Variants in KCNH7 observed in about 807,000 individuals in gnomAD.
KCNH7 encodes potassium voltage-gated channel subfamily H member 7.
Under a neutral mutation model 120.8 loss-of-function variants are expected in KCNH7, and 49 were observed. The ratio of observed to expected loss-of-function variants is 0.41; its 90% CI spans 0.32 to 0.51. KCNH7 has a LOEUF of 0.51. KCNH7 is among the 20% of genes least tolerant of loss of function. KCNH7 has a pLI of 0.38. For synonymous variants in KCNH7, 547 were observed against 516.1 expected (o/e 1.06, Z -0.81); for missense variants, 1,097 against 1,446.6 (o/e 0.76, Z 3.92).
intron 2 of KCNH7, among the ~76,000 whole-genome samples, chr2:162,568,477 C>T (rs1002085925): frequency 2.0e-5 from 3 of 151,948 alleles, no homozygotes; most frequent in Admixed American, 6.6e-5. Flanking sequence ...CAGAAAATAT[C>T]CTCATAATTA....
intron 6 of KCNH7, among the ~76,000 whole-genome samples, chr2:162,493,527 C>A (rs1204615687): frequency 6.6e-6 from 1 of 152,138 alleles, no homozygotes; most frequent in Non-Finnish European, 1.5e-5. Context: ...AGGTTATAAG[C>A]TGCTTCTTTA....
chr2:162,691,409 C>A (rs1484463907), intron 2 of KCNH7, among the ~76,000 whole-genome samples: 3 of 152,046 alleles, frequency 2.0e-5, no homozygotes, highest in South Asian at 2.1e-4. Context: ...CCTATAAACT[C>A]AATTTGAGAA....
At chr2:162,685,155 A>G (rs971177554) in intron 2 of KCNH7, among the ~76,000 whole-genome samples, 1 of 151,912 alleles carries the variant, frequency 6.6e-6, no homozygotes, top group African/African-American at 2.4e-5. Context: ...ATGAGAACAC[A>G]TGGACACAGG....
chr2:162,758,108 C>A (rs533643515), intron 2 of KCNH7, among the ~76,000 whole-genome samples: 2 of 152,048 alleles, frequency 1.3e-5, no homozygotes, highest in African/African-American at 2.4e-5. Context: ...GATCTGTTGT[C>A]GCTAAAACAT....
chr2:162,502,618 C>T (rs966939161), intron 6 of KCNH7, among the ~76,000 whole-genome samples: 4 of 152,014 alleles, frequency 2.6e-5, no homozygotes, highest in African/African-American at 9.7e-5. Context: ...ATGTTTAATC[C>T]TGTCTTTTTC....
At chr2:162,601,227 A>G (rs1333269933) in intron 2 of KCNH7, among the ~76,000 whole-genome samples, 1 of 151,934 alleles carries the variant, frequency 6.6e-6, no homozygotes, top group Non-Finnish European at 1.5e-5. Context: ...AGTGGTTTAT[A>G]GATAACAGGG....
At chr2:162,612,192 C>T (rs1207800960) in intron 2 of KCNH7, among the ~76,000 whole-genome samples, 1 of 152,038 alleles carries the variant, frequency 6.6e-6, no homozygotes, top group Non-Finnish European at 1.5e-5. Flanking sequence ...CACTAAAATA[C>T]AGAAGGAAAG....
intron 2 of KCNH7, among the ~76,000 whole-genome samples, chr2:162,723,601 T>C (rs1687408426): frequency 6.6e-6 from 1 of 152,188 alleles, no homozygotes; most frequent in Non-Finnish European, 1.5e-5. Context: ...TTAATTCTAT[T>C]CATTTTTCTA....
At chr2:162,410,298 A>G (rs1370764459) in intron 9 of KCNH7, among the ~76,000 whole-genome samples, 1 of 151,958 alleles carries the variant, frequency 6.6e-6, no homozygotes, top group African/African-American at 2.4e-5. Flanking sequence ...CCTGATTTTC[A>G]ACAAAGCTGA....
chr2:162,706,091 T>TC (rs1331291983), intron 2 of KCNH7, among the ~76,000 whole-genome samples: 1 of 152,106 alleles, frequency 6.6e-6, no homozygotes, highest in Non-Finnish European at 1.5e-5. Context: ...AAATGTACAA[T>TC]CTTTTGTGCT....
chr2:162,467,866 C>G (rs1237459926), intron 6 of KCNH7, among the ~76,000 whole-genome samples: 1 of 152,082 alleles, frequency 6.6e-6, no homozygotes, highest in Admixed American at 6.5e-5. Flanking sequence ...CTGGTGAGGG[C>G]CTGATTTCTG....
At chr2:162,562,708 G>C (rs1016847240) in intron 2 of KCNH7, among the ~76,000 whole-genome samples, 2 of 152,154 alleles carry the variant, frequency 1.3e-5, no homozygotes, top group African/African-American at 4.8e-5. Flanking sequence ...AAGAGAAGCA[G>C]CTTGCCAGTC....
chr2:162,484,247 A>G (rs1306621423), intron 6 of KCNH7, among the ~76,000 whole-genome samples: 1 of 150,748 alleles, frequency 6.6e-6, no homozygotes, highest in Non-Finnish European at 1.5e-5. Context: ...ACACACACAC[A>G]CAGAGAGACA....
At chr2:162,606,660 T>G (rs936024886) in intron 2 of KCNH7, among the ~76,000 whole-genome samples, 1 of 152,180 alleles carries the variant, frequency 6.6e-6, no homozygotes, top group African/African-American at 2.4e-5. Flanking sequence ...GACTATTTTC[T>G]GCCTACCAGG....
intron 8 of KCNH7, among the ~76,000 whole-genome samples, chr2:162,430,583 A>G (rs139504477): frequency 1.3e-5 from 2 of 152,136 alleles, no homozygotes; most frequent in East Asian, 3.9e-4. Flanking sequence ...CACGTGGCCC[A>G]TATTGTTTGC....
intron 2 of KCNH7, among the ~76,000 whole-genome samples, chr2:162,650,882 G>T (rs769838597): frequency 1.3e-5 from 2 of 152,134 alleles, no homozygotes; most frequent in African/African-American, 4.8e-5. Flanking sequence ...AACTCACTGA[G>T]GCTCTGTCAG....
At chr2:162,735,925 G>A (rs1414820944) in intron 2 of KCNH7, among the ~76,000 whole-genome samples, 1 of 152,174 alleles carries the variant, frequency 6.6e-6, no homozygotes, top group African/African-American at 2.4e-5. Flanking sequence ...TTAGCTGAGA[G>A]AAGGCCAGCA....
intron 6 of KCNH7, among the ~76,000 whole-genome samples, chr2:162,490,258 C>T (rs776603468): frequency 5.9e-5 from 9 of 152,174 alleles, no homozygotes; most frequent in Non-Finnish European, 1.3e-4. Flanking sequence ...GTGGAGCCAC[C>T]GGGAATTAGT....
At chr2:162,728,036 G>C (rs1269274567) in intron 2 of KCNH7, among the ~76,000 whole-genome samples, 1 of 152,092 alleles carries the variant, frequency 6.6e-6, no homozygotes, top group Non-Finnish European at 1.5e-5. Flanking sequence ...GAATACCCAG[G>C]AGAGGAATTT....
Sources: gnomAD v4.1 joint callset for allele counts (sites outside exome capture counted in the v4.1 genomes callset) on GRCh38, gnomAD v4.1.1 for gene constraint, MANE v1.5 for transcripts, NCBI Gene and HGNC (gene_info 2026-07-23, HGNC 2026-07-21) for gene names.